The following LRBA variants were observed in gnomAD, a reference collection of about 807,000 sequenced individuals.
LRBA encodes LPS responsive beige-like anchor protein, also known as lipopolysaccharide-responsive and beige-like anchor protein.
Under a neutral mutation model 330.0 loss-of-function variants are expected in LRBA, and 176 were observed. That is an observed-to-expected ratio of 0.53 (90% CI 0.47 to 0.60). The LOEUF (loss-of-function observed/expected upper bound fraction) is 0.60. Ranked by LOEUF, LRBA falls within the 20% of genes least tolerant of loss-of-function variation. LRBA has a pLI of 0.00. For missense variants in LRBA, 3,259 were observed against 3,444.8 expected (o/e 0.95, Z 1.35); for synonymous variants, 1,230 against 1,193.0 (o/e 1.03, Z -0.64).
intron 34 of LRBA, among the ~76,000 whole-genome samples, chr4:150,772,005 A>T (rs1206247809): frequency 6.6e-6 from 1 of 152,036 alleles, no homozygotes; most frequent in Non-Finnish European, 1.5e-5. Flanking sequence ...CTATACACAT[A>T]CCTCTTCCCC....
chr4:150,651,187 T>C (rs1284811022), intron 37 of LRBA, among the ~76,000 whole-genome samples: 1 of 152,130 alleles, frequency 6.6e-6, no homozygotes, highest in African/African-American at 2.4e-5. Flanking sequence ...TAATAAAATA[T>C]CAAATTCAAG....
chr4:150,280,783 T>C (rs534958616), intron 55 of LRBA, among the ~76,000 whole-genome samples: 3 of 152,234 alleles, frequency 2.0e-5, no homozygotes, highest in Non-Finnish European at 4.4e-5. Context: ...ATTCCCAGCC[T>C]GTGGCTTCCT....
At chr4:150,755,494 C>T (rs560121942) in intron 35 of LRBA, among the ~76,000 whole-genome samples, 1 of 152,068 alleles carries the variant, frequency 6.6e-6, no homozygotes, top group Non-Finnish European at 1.5e-5. Flanking sequence ...AAATTAAACA[C>T]AAAACTATAA....
chr4:150,472,060 T>C (rs1306666303), intron 42 of LRBA, among the ~76,000 whole-genome samples: 1 of 152,114 alleles, frequency 6.6e-6, no homozygotes, highest in Admixed American at 6.6e-5. Context: ...GAAGAAATTA[T>C]AGCAGCTGGG....
chr4:150,701,360 T>C (rs1785103239), intron 36 of LRBA, among the ~76,000 whole-genome samples: 1 of 152,172 alleles, frequency 6.6e-6, no homozygotes, highest in Non-Finnish European at 1.5e-5. Flanking sequence ...GTATAGTAAA[T>C]ACATAAACCA....
intron 31 of LRBA, among the ~76,000 whole-genome samples, chr4:150,813,021 G>C (rs527602680): frequency 6.6e-6 from 1 of 152,100 alleles, no homozygotes; most frequent in South Asian, 2.1e-4. Flanking sequence ...GCCAGGAATG[G>C]TGACACACAC....
intron 46 of LRBA, among the ~76,000 whole-genome samples, chr4:150,435,116 A>AG: frequency 6.6e-6 from 1 of 152,142 alleles, no homozygotes; most frequent in African/African-American, 2.4e-5. Flanking sequence ...AGGCTGAGGC[A>AG]GGCAGATCAC....
intron 37 of LRBA, among the ~76,000 whole-genome samples, chr4:150,599,902 A>G (rs968763071): frequency 3.9e-5 from 6 of 152,122 alleles, no homozygotes; most frequent in African/African-American, 1.4e-4. Flanking sequence ...CTCTGTTTTT[A>G]TATTTAATTA....
At chr4:150,775,930 A>G (rs1358057350) in intron 34 of LRBA, among the ~76,000 whole-genome samples, 1 of 151,812 alleles carries the variant, frequency 6.6e-6, no homozygotes, top group East Asian at 1.9e-4. Context: ...AGAAGAGGAG[A>G]AAAGAGGGGA....
At chr4:150,617,460 G>T (rs998585368) in intron 37 of LRBA, among the ~76,000 whole-genome samples, 6 of 151,590 alleles carry the variant, frequency 4.0e-5, no homozygotes, top group Non-Finnish European at 7.4e-5. Context: ...TGGCCAACAT[G>T]GTGAAACCCT....
At chr4:150,937,339 G>T (rs1483578118) in intron 2 of LRBA, among the ~76,000 whole-genome samples, 2 of 152,088 alleles carry the variant, frequency 1.3e-5, no homozygotes, top group African/African-American at 2.4e-5. Flanking sequence ...TCCAATGACA[G>T]GGATCATAAT....
At chr4:150,850,357 G>A (rs969333735) in intron 24 of LRBA, among the ~76,000 whole-genome samples, 7 of 152,110 alleles carry the variant, frequency 4.6e-5, no homozygotes, top group Non-Finnish European at 1.5e-5. Context: ...GCCTCCCAAA[G>A]TGCTGGGATT....
intron 30 of LRBA, among the ~76,000 whole-genome samples, chr4:150,818,188 G>A (rs1030037976): frequency 6.6e-6 from 1 of 152,056 alleles, no homozygotes; most frequent in African/African-American, 2.4e-5. Context: ...ATTCAAAAGT[G>A]AAAATTATGT....
At chr4:150,781,468 G>A (rs1010887994) in intron 34 of LRBA, among the ~76,000 whole-genome samples, 1 of 152,214 alleles carries the variant, frequency 6.6e-6, no homozygotes, top group Admixed American at 6.5e-5. Flanking sequence ...CAGTGATAGG[G>A]AGCGGCTATA....
chr4:150,884,795 A>G (rs1050787257), intron 17 of LRBA, among the ~76,000 whole-genome samples: 1 of 152,170 alleles, frequency 6.6e-6, no homozygotes, highest in African/African-American at 2.4e-5. Flanking sequence ...AAAAAAGAGT[A>G]TAACCCATAA....
chr4:150,809,904 CG>C lies in LRBA; in HGVS notation c.5306-1507del, dbSNP rs1560850184. ...CGATACGATACGATACGATACGATA[CG>C]ATACGATACGATACGATACGATACG... On this transcript the variant is annotated intron_variant, in intron 31 of 56. Transcript: ENST00000651943. Among the ~76,000 whole-genome samples the C allele has an allele frequency of 3.3e-5, 5 of 151,398 alleles. No homozygotes were observed. The South Asian group carries it at 6.3e-4, about 19-fold the overall frequency.
Position 150,905,931 on chromosome 4 carries a change from A to ATATC in LRBA, c.1661_1662insGATA (p.Tyr554Ter), listed in dbSNP as rs748414191. The ATATC allele has an allele frequency of 1.2e-6, 2 of 1,613,646 alleles. No individual in the cohort carries two copies. The highest frequency in any genetic ancestry group is 1.3e-5 in the African/African-American group (1 of 74,908). ...GCATCCCATTCTGCAGATTACTCAG[A>ATATC]TATTTTGAAAATGCAAGGCAAAGTT... On this transcript the variant is annotated stop_gained and frameshift_variant, in exon 13 of 57. Coordinates refer to ENST00000651943, the MANE Select transcript of LRBA (RefSeq NM_001364905.1). LOFTEE classifies it high-confidence loss of function.
intron 40 of LRBA, among the ~76,000 whole-genome samples, chr4:150,555,139 T>C (rs1033467665): frequency 3.3e-5 from 5 of 152,136 alleles, no homozygotes; most frequent in African/African-American, 1.2e-4. Flanking sequence ...GAGGAAGGAA[T>C]CTGAAAACAG....
chr4:150,681,344 C>T (rs1783041527), intron 37 of LRBA, among the ~76,000 whole-genome samples: 1 of 152,180 alleles, frequency 6.6e-6, no homozygotes, highest in Admixed American at 6.5e-5. Context: ...TAACCACTGT[C>T]AAAGTATGGT....
Sources: gnomAD v4.1 joint callset for allele counts (sites outside exome capture counted in the v4.1 genomes callset) on GRCh38, gnomAD v4.1.1 for gene constraint, MANE v1.5 for transcripts, NCBI Gene and HGNC (gene_info 2026-07-23, HGNC 2026-07-21) for gene names.